Variants in RSPH14 observed in about 807,000 individuals in gnomAD.
RSPH14 encodes radial spoke head 14 homolog.
In RSPH14, 20 loss-of-function variants were observed where a neutral mutation model predicts 26.7. The ratio of observed to expected loss-of-function variants is 0.75; its 90% CI spans 0.53 to 1.09. RSPH14 has a LOEUF of 1.09. Ranked by LOEUF, RSPH14 falls within the 50% of genes least tolerant of loss-of-function variation. RSPH14 has a pLI of 0.00. For missense variants in RSPH14, 449 were observed against 457.2 expected, an observed-to-expected ratio of 0.98 and a Z score of 0.16; for synonymous variants, 177 against 189.3, an observed-to-expected ratio of 0.93 and a Z score of 0.53.
At chr22:23,145,730 C>T (rs1329987287), upstream of RSPH14, among the ~76,000 whole-genome samples, 1 of 152,262 alleles carries the variant, frequency 6.6e-6, no homozygotes, top group Non-Finnish European at 1.5e-5. Context: ...GGGCCAGGCC[C>T]GCGCTGGTTG....
chr22:23,169,013 G>A, the RSPH14 span, among the ~76,000 whole-genome samples: 755 of 152,214 alleles, frequency 5.0e-3, 7 homozygotes, highest in African/African-American at 0.017. Context: ...CAGCAATTTC[G>A]CCTCCTGTGA....
intron 4 of RSPH14, among the ~76,000 whole-genome samples, chr22:23,080,685 A>C (rs758490207): frequency 2.0e-5 from 3 of 152,250 alleles, no homozygotes; most frequent in African/African-American, 4.8e-5. Flanking sequence ...AGAGCCCACA[A>C]ACACGGAGTC....
rs186403758 is a variant in RSPH14, at chr22:23,061,798, C to A, written c.790+11G>T. 4.3e-5 allele frequency: 70 copies of A among 1,613,884 alleles called. No homozygotes were observed. The highest frequency in any genetic ancestry group is 3.3e-4 in the South Asian group (30 of 91,082). ...GGGTCTCCCTCCCTGCGGCACCCCC[C>A]ACCGCCTCACCTTCAGTGATCACTG... On this transcript the variant is annotated intron_variant, in intron 6 of 6. Coordinates refer to ENST00000216036, the MANE Select transcript of RSPH14 (RefSeq NM_014433.3).
At chr22:23,161,746 A>C in the RSPH14 span, 3 of 591,878 alleles carry the variant, frequency 5.1e-6, no homozygotes, top group South Asian at 6.0e-5. Flanking sequence ...TGTCCGTTGC[A>C]GGTTGGGCAC....
the RSPH14 span, chr22:23,150,166 G>C: frequency 2.6e-5 from 41 of 1,602,468 alleles, no homozygotes; most frequent in Non-Finnish European, 3.4e-5. Flanking sequence ...TGAGCCTGCA[G>C]GGTGTGGGAT....
the RSPH14 span, among the ~76,000 whole-genome samples, chr22:23,164,905 A>T: frequency 1.9e-5 from 1 of 52,420 alleles, no homozygotes; most frequent in Admixed American, 2.0e-4. Context: ...AGCCCACCCC[A>T]CCCCCACAGG....
chr22:23,096,343 C>T (rs879063101), intron 4 of RSPH14: 6 of 1,613,540 alleles, frequency 3.7e-6, no homozygotes, highest in East Asian at 4.5e-5. Context: ...TCCACTGCTT[C>T]GAGGGCGTCA....
At chr22:23,159,088 A>G in the RSPH14 span, 4 of 1,587,420 alleles carry the variant, frequency 2.5e-6, no homozygotes, top group Admixed American at 1.7e-5. Context: ...AGTGGGAAGC[A>G]GGCAGCTGCC....
At chr22:23,141,057 C>T (rs905782664) in intron 1 of RSPH14, among the ~76,000 whole-genome samples, 1 of 152,198 alleles carries the variant, frequency 6.6e-6, no homozygotes, top group Non-Finnish European at 1.5e-5. Context: ...TGGCCACGCG[C>T]AGTGGCTCAC....
chr22:23,180,702 C>G, the RSPH14 span: 1 of 150,054 alleles, frequency 6.7e-6, no homozygotes, highest in African/African-American at 2.4e-5. Flanking sequence ...GCCCGCGCCT[C>G]GCCGTGCGGA....
Position 23,128,107 on chromosome 22 carries a change from G to A in RSPH14, c.421+5919C>T, listed in dbSNP as rs144789703. On this transcript the variant is annotated intron_variant, in intron 4 of 6. Transcript: ENST00000216036. ...GCAGGGCCAGAACAGACTCACAGGT[G>A]TGCCCAGTCAGGACCAGTGGGATGG... is the stretch of plus-strand genomic sequence containing the variant. Among the ~76,000 whole-genome samples the A allele has an allele frequency of 4.3e-3, 659 of 152,320 alleles. 3 individuals are homozygous for A. The highest frequency in any genetic ancestry group is 4.6e-3 in the Non-Finnish European group (312 of 68,028).
intron 4 of RSPH14, among the ~76,000 whole-genome samples, chr22:23,107,222 G>C (rs917786840): frequency 2.6e-5 from 4 of 152,172 alleles, no homozygotes; most frequent in Admixed American, 2.6e-4. Context: ...GCAAGCAGAG[G>C]CTCTGACTTC....
At chr22:23,076,287 C>T (rs1010798886) in intron 4 of RSPH14, among the ~76,000 whole-genome samples, 25 of 152,218 alleles carry the variant, frequency 1.6e-4, no homozygotes, top group African/African-American at 6.0e-4. Flanking sequence ...GTGTAAGCTC[C>T]ATGAGGGCAG....
At chr22:23,079,155 C>T (rs748246094) in intron 4 of RSPH14, among the ~76,000 whole-genome samples, 17 of 152,158 alleles carry the variant, frequency 1.1e-4, no homozygotes, top group Admixed American at 2.0e-4. Context: ...AAGAGGTGGG[C>T]GATAAACACT....
chr22:23,113,680 C>T (rs897943497), intron 4 of RSPH14, among the ~76,000 whole-genome samples: 2 of 152,246 alleles, frequency 1.3e-5, no homozygotes, highest in African/African-American at 4.8e-5. Context: ...ACTCGGTACA[C>T]CTGCCAGGAC....
At chr22:23,133,964 G>T in intron 4 of RSPH14, 62 bp downstream of exon 4, 2 of 1,154,488 alleles carry the variant, frequency 1.7e-6, no homozygotes, top group East Asian at 2.4e-5. Flanking sequence ...TATGTGACCT[G>T]GAGAGGAGAC....
chr22:23,160,082 C>T, the RSPH14 span, among the ~76,000 whole-genome samples: 1 of 152,138 alleles, frequency 6.6e-6, no homozygotes, highest in Non-Finnish European at 1.5e-5. Flanking sequence ...TCTGGGGACT[C>T]AGGAATTGGG....
chr22:23,097,025 G>A (rs1182538262), intron 4 of RSPH14, among the ~76,000 whole-genome samples: 1 of 152,206 alleles, frequency 6.6e-6, no homozygotes, highest in Non-Finnish European at 1.5e-5. Context: ...GCCCAGCCAG[G>A]ACAGAAGGTC....
the RSPH14 span, among the ~76,000 whole-genome samples, chr22:23,178,182 C>A: frequency 6.6e-6 from 1 of 152,122 alleles, no homozygotes; most frequent in Admixed American, 6.5e-5. Context: ...TACAGGAGGC[C>A]AAGGCGGGCA....
Sources: gnomAD v4.1 joint callset for allele counts (sites outside exome capture counted in the v4.1 genomes callset) on GRCh38, gnomAD v4.1.1 for gene constraint, MANE v1.5 for transcripts, NCBI Gene and HGNC (gene_info 2026-07-23, HGNC 2026-07-21) for gene names.